TUSC3: variants seen among roughly 807,000 people sequenced by gnomAD.
TUSC3 encodes dolichyl-diphosphooligosaccharide--protein glycosyltransferase subunit TUSC3.
A neutral mutation model predicts 44.8 loss-of-function variants in TUSC3; 45 were observed. That is an observed-to-expected ratio of 1.00 (90% CI 0.79 to 1.29). The LOEUF (loss-of-function observed/expected upper bound fraction) is 1.29. Ranked by LOEUF, TUSC3 falls within the 50% of genes most tolerant of loss-of-function variation. The pLI, the probability that TUSC3 is intolerant of heterozygous loss-of-function variation, is 0.00. For missense variants in TUSC3, 519 were observed against 437.9 expected, an observed-to-expected ratio of 1.19 and a Z score of -1.65; for synonymous variants, 212 against 152.9, an observed-to-expected ratio of 1.39 and a Z score of -2.85.
chr8:15,502,715 T>A lies in TUSC3; in HGVS notation n.189+19232T>A, dbSNP rs1035020904. 2.0e-5 allele frequency among the ~76,000 whole-genome samples: 3 copies of A among 152,162 alleles called. No individual in the cohort carries two copies. The East Asian group carries it at 5.8e-4, about 29-fold the overall frequency. ...ACCGTGTTAGCCAGGATGGTCTTGA[T>A]CTCCTGACCTCGTGATCCCCCTGCC... On this transcript the variant is annotated intron_variant and non_coding_transcript_variant, in intron 2 of 5. Coordinates refer to the TUSC3 transcript ENST00000503191.
rs75883009 is a variant in TUSC3, at chr8:15,600,667, T to C, written c.139-22413T>C. 1.4e-4 allele frequency among the ~76,000 whole-genome samples: 21 copies of C among 151,640 alleles called. No homozygotes were observed. The East Asian group carries it at 3.7e-3, about 27-fold the overall frequency. On this transcript the variant is annotated intron_variant, in intron 1 of 10. Coordinates refer to ENST00000503731, the MANE Select transcript of TUSC3 (RefSeq NM_006765.4). ...AGGTAACTCAGTAATGGTTATAAGA[T>C]ACAAAGTATGAGGTACTGTTTTGCC...
At chr8:15,565,813 C>T (rs935192159) in intron 1 of TUSC3, among the ~76,000 whole-genome samples, 1 of 152,090 alleles carries the variant, frequency 6.6e-6, no homozygotes, top group African/African-American at 2.4e-5. Context: ...GATGGCAGAG[C>T]AGCCATCAGC....
intron 1 of TUSC3, among the ~76,000 whole-genome samples, chr8:15,583,062 A>G (rs1331576644): frequency 6.6e-6 from 1 of 152,220 alleles, no homozygotes; most frequent in Non-Finnish European, 1.5e-5. Context: ...GTTGATCAAT[A>G]TGACTGGAAT....
chr8:15,680,375 A>C (rs1808372266), intron 6 of TUSC3, among the ~76,000 whole-genome samples: 2 of 151,896 alleles, frequency 1.3e-5, no homozygotes, highest in Admixed American at 6.6e-5. Context: ...TGTGAATAAG[A>C]ATGTGTTCTT....
At chr8:15,753,937 A>G (rs900516178) in intron 9 of TUSC3, among the ~76,000 whole-genome samples, 3 of 152,122 alleles carry the variant, frequency 2.0e-5, no homozygotes, top group Admixed American at 2.0e-4. Flanking sequence ...AGAAGAAATA[A>G]TTCTGATAGT....
chr8:15,465,832 T>C (rs1585055314), intron 1 of TUSC3, among the ~76,000 whole-genome samples: 2 of 152,188 alleles, frequency 1.3e-5, no homozygotes, highest in South Asian at 4.1e-4. Context: ...TTGATTTTTC[T>C]CTCGAGTCTA....
chr8:15,770,248 C>T (rs1168546040), downstream of TUSC3, among the ~76,000 whole-genome samples: 1 of 152,146 alleles, frequency 6.6e-6, no homozygotes, highest in Non-Finnish European at 1.5e-5. Context: ...AGGGTGAGTT[C>T]ATATCCTTTG....
At chr8:15,769,601 C>G (rs1473168243), downstream of TUSC3, among the ~76,000 whole-genome samples, 1 of 152,110 alleles carries the variant, frequency 6.6e-6, no homozygotes, top group African/African-American at 2.4e-5. Flanking sequence ...AACTAAAGAG[C>G]TTCTGCACGG....
intron 1 of TUSC3, among the ~76,000 whole-genome samples, chr8:15,444,076 C>G (rs574953045): frequency 6.6e-6 from 1 of 152,310 alleles, no homozygotes; most frequent in South Asian, 2.1e-4. Context: ...TGAATTACTC[C>G]TTCTCTATTG....
chr8:15,565,849 A>G (rs188549889), intron 1 of TUSC3, among the ~76,000 whole-genome samples: 5 of 152,102 alleles, frequency 3.3e-5, no homozygotes, highest in Admixed American at 2.0e-4. Flanking sequence ...TGTGTGGTAC[A>G]GTCTCCTTAA....
intron 3 of TUSC3, among the ~76,000 whole-genome samples, chr8:15,659,094 T>G (rs1807304772): frequency 6.6e-6 from 1 of 152,184 alleles, no homozygotes; most frequent in African/African-American, 2.4e-5. Context: ...TATGCTTATT[T>G]TTTAAAAACA....
intron 7 of TUSC3, among the ~76,000 whole-genome samples, chr8:15,741,614 G>A (rs1197812633): frequency 6.6e-6 from 1 of 152,006 alleles, no homozygotes; most frequent in Non-Finnish European, 1.5e-5. Context: ...TTGAACCTGG[G>A]AGGCAGAGGT....
intron 5 of TUSC3, among the ~76,000 whole-genome samples, chr8:15,672,169 G>C (rs114276292): frequency 6.6e-6 from 1 of 151,968 alleles, no homozygotes; most frequent in African/African-American, 2.4e-5. Flanking sequence ...GTTAAGGAGC[G>C]GTAGGACATG....
chr8:15,532,370 C>T (rs1801461475), intron 2 of TUSC3, among the ~76,000 whole-genome samples: 2 of 152,130 alleles, frequency 1.3e-5, no homozygotes, highest in South Asian at 2.1e-4. Context: ...CTGAGAAGTA[C>T]CTTATGTAAA....
At chr8:15,761,336 C>G (rs1812161311) in intron 10 of TUSC3, among the ~76,000 whole-genome samples, 1 of 152,150 alleles carries the variant, frequency 6.6e-6, no homozygotes, top group African/African-American at 2.4e-5. Context: ...TGTAAACAGT[C>G]TCTCTGCATC....
At position 15,659,496 on chromosome 8, in the gene TUSC3, A is replaced by T. The variant is rs745805714; in HGVS notation, c.427-11A>T. 1.9e-6 allele frequency: 3 copies of T among 1,610,870 alleles called. No individual in the cohort carries two copies. Among genetic ancestry groups the T allele is most frequent in the Non-Finnish European group, 2.5e-6 (3 of 1,179,268 alleles). ...ATCCTATATTTAGTATTTTTTTCTC[A>T]TGTTTTACAGCTCAACATGAACTCT... On this transcript the variant is annotated splice_polypyrimidine_tract_variant and intron_variant, in intron 3 of 10. Coordinates refer to ENST00000503731, the MANE Select transcript of TUSC3 (RefSeq NM_006765.4).
At chr8:15,584,042 T>G (rs1309234191) in intron 1 of TUSC3, among the ~76,000 whole-genome samples, 1 of 152,240 alleles carries the variant, frequency 6.6e-6, no homozygotes. Context: ...AAACAGGTAC[T>G]TAAAGGCAGT....
chr8:15,482,513 G>A (rs992452447), intron 1 of TUSC3, among the ~76,000 whole-genome samples: 4 of 152,112 alleles, frequency 2.6e-5, no homozygotes, highest in African/African-American at 9.7e-5. Context: ...GCTTAGAAAA[G>A]AAAGATTCCT....
intron 1 of TUSC3, among the ~76,000 whole-genome samples, chr8:15,590,215 T>C (rs572902797): frequency 6.6e-6 from 1 of 152,342 alleles, no homozygotes; most frequent in African/African-American, 2.4e-5. Flanking sequence ...GATTGGACTT[T>C]TCACTCTGCT....
Sources: gnomAD v4.1 joint callset for allele counts (sites outside exome capture counted in the v4.1 genomes callset) on GRCh38, gnomAD v4.1.1 for gene constraint, MANE v1.5 for transcripts, NCBI Gene and HGNC (gene_info 2026-07-23, HGNC 2026-07-21) for gene names.